SLC9C1: variants seen among roughly 807,000 people sequenced by gnomAD.
SLC9C1 encodes solute carrier family 9 member C1.
In SLC9C1, 97 loss-of-function variants were observed where a neutral mutation model predicts 140.9. The observed-to-expected ratio is 0.69, with a 90% CI of 0.58 to 0.82. SLC9C1 has a LOEUF of 0.82. SLC9C1 is among the 40% of genes least tolerant of loss of function. The pLI, the probability that SLC9C1 is intolerant of heterozygous loss-of-function variation, is 0.00. For synonymous variants in SLC9C1, 440 were observed against 442.6 expected (o/e 0.99, Z 0.07); for missense variants, 1,340 against 1,389.3 (o/e 0.96, Z 0.56).
chr3:112,204,431 T>G (rs1311644231), intron 16 of SLC9C1, 28 bp from the exon 17 acceptor site: 1 of 1,535,370 alleles, frequency 6.5e-7, no homozygotes, highest in Non-Finnish European at 8.7e-7. Context: ...AATTACATTA[T>G]CATGTTTGTT....
intron 26 of SLC9C1, among the ~76,000 whole-genome samples, chr3:112,165,456 T>C (rs149749409): frequency 0.012 from 1,753 of 152,310 alleles, 42 homozygotes; most frequent in African/African-American, 0.038. Context: ...TTGGTGTGGA[T>C]GTCCTTTGTG....
chr3:112,190,106 C>G (rs527316272), intron 20 of SLC9C1, among the ~76,000 whole-genome samples: 1 of 152,218 alleles, frequency 6.6e-6, no homozygotes, highest in African/African-American at 2.4e-5. Flanking sequence ...TTTGCTGAAG[C>G]TGCTTATCAG....
intron 15 of SLC9C1, among the ~76,000 whole-genome samples, chr3:112,210,194 A>G (rs888077468): frequency 2.6e-5 from 4 of 152,226 alleles, no homozygotes; most frequent in Admixed American, 6.5e-5. Context: ...GCAGGTATTC[A>G]AATAAAAACT....
rs1434933133 is a variant in SLC9C1 at position 112,164,118 on chromosome 3, T to A, written c.3364+3103A>T. 2.0e-5 allele frequency among the ~76,000 whole-genome samples: 3 copies of A among 152,002 alleles called. No homozygotes were observed. The East Asian group carries it at 5.8e-4, about 29-fold the overall frequency. ...ACCCCTGCCTTTTTTTGTTTTCCAT[T>A]TGCTTGGTAGATTTTCCTCCATCCT... On this transcript the variant is annotated intron_variant, in intron 26 of 28. Coordinates refer to ENST00000305815, the MANE Select transcript of SLC9C1 (RefSeq NM_183061.3).
At chr3:112,218,445 A>G (rs1221120540) in intron 14 of SLC9C1, among the ~76,000 whole-genome samples, 4 of 143,252 alleles carry the variant, frequency 2.8e-5, no homozygotes, top group African/African-American at 1.0e-4. Context: ...TTGTATATAT[A>G]TTTTTTTTTT....
rs7645374 is a variant in SLC9C1, at chr3:112,183,349, C to T, written c.2524-1091G>A. Among the ~76,000 whole-genome samples, 500 of 95,188 alleles carry T rather than the reference C, an allele frequency of 5.3e-3. 3 individuals are homozygous for T. Among genetic ancestry groups the T allele is most frequent in the Middle Eastern group, 0.016 (3 of 184 alleles). The allele number at this position is 95,188 out of a possible 152,430, so 62.4% of individuals were successfully genotyped here. On this transcript the variant is annotated intron_variant, in intron 20 of 28. Transcript: ENST00000305815. Reference sequence around the variant, plus strand: ...ACGACAATGATATTTAGCACCTTTTCTTTTTTTTTTTTTTTTTTTTTCAGC... The same window carrying T: ...ACGACAATGATATTTAGCACCTTTTTTTTTTTTTTTTTTTTTTTTTTCAGC...
chr3:112,253,025 G>A (rs2079506995), intron 10 of SLC9C1, among the ~76,000 whole-genome samples: 1 of 152,180 alleles, frequency 6.6e-6, no homozygotes, highest in African/African-American at 2.4e-5. Flanking sequence ...GAGGAGACTA[G>A]GGACTGGTGA....
In SLC9C1 at chr3:112,270,064, C is replaced by T. The variant is rs376024922; in HGVS notation, c.627G>A (p.Val209=). 2 of 1,558,030 alleles carry T rather than the reference C, an allele frequency of 1.3e-6. No homozygotes were observed. The highest frequency in any genetic ancestry group is 1.2e-5 in the South Asian group (1 of 80,318). The part of the protein sequence containing the change: ...KRNHTLAEEI[V]GGICSYIIAS... ...CTATAATATATGAACAAATTCCACC[C>T]ACGATCTCTTCAGCTACAAGAAAGG... The change falls in exon 7 of 29, where the codon GTG becomes GTA. Residue 209 remains valine (V), a synonymous_variant. Coordinates refer to ENST00000305815, the MANE Select transcript of SLC9C1 (RefSeq NM_183061.3).
chr3:112,146,905 C>T (rs548639020), intron 28 of SLC9C1, among the ~76,000 whole-genome samples: 17 of 152,048 alleles, frequency 1.1e-4, no homozygotes, highest in Non-Finnish European at 2.4e-4. Context: ...AGTTAAAGTC[C>T]CTCACTAGTA....
chr3:112,227,030 TACAGAC>T (rs1240436050), intron 13 of SLC9C1, among the ~76,000 whole-genome samples: 1 of 152,006 alleles, frequency 6.6e-6, no homozygotes, highest in African/African-American at 2.4e-5. Context: ...AAGCTATCAT[TACAGAC>T]TATTATGAAC....
chr3:112,192,602 G>C (rs1328063286), intron 20 of SLC9C1, among the ~76,000 whole-genome samples: 1 of 151,746 alleles, frequency 6.6e-6, no homozygotes, highest in South Asian at 2.1e-4. Context: ...CAGAAGACTT[G>C]TCTTCAAGTG....
At chr3:112,266,415 G>C in intron 7 of SLC9C1, 75 bp from the exon 8 acceptor site, 3 of 1,150,214 alleles carry the variant, frequency 2.6e-6, no homozygotes, top group Non-Finnish European at 3.7e-6. Context: ...CGAGTTAAAA[G>C]TATCAGATGT....
chr3:112,157,927 T>G (rs1441653047), intron 26 of SLC9C1, among the ~76,000 whole-genome samples: 1 of 152,024 alleles, frequency 6.6e-6, no homozygotes, highest in Non-Finnish European at 1.5e-5. Flanking sequence ...GTGGAGTCCT[T>G]AGGTTTTTCT....
chr3:112,293,423 G>A (rs766697170), intron 1 of SLC9C1, among the ~76,000 whole-genome samples: 13 of 152,118 alleles, frequency 8.5e-5, no homozygotes, highest in Non-Finnish European at 1.5e-4. Flanking sequence ...CTCATGAACC[G>A]TAAGTCACAC....
chr3:112,203,582 G>A (rs544422354), intron 17 of SLC9C1, among the ~76,000 whole-genome samples: 1 of 152,072 alleles, frequency 6.6e-6, no homozygotes, highest in East Asian at 1.9e-4. Context: ...ATCACTCACA[G>A]TGCTTATATA....
At chr3:112,236,827 T>C (rs1182547360) in intron 12 of SLC9C1, among the ~76,000 whole-genome samples, 1 of 152,180 alleles carries the variant, frequency 6.6e-6, no homozygotes, top group Non-Finnish European at 1.5e-5. Flanking sequence ...CACTGTGGTC[T>C]GAGAGATTGT....
chr3:112,219,989 G>C (rs976035112), intron 14 of SLC9C1, among the ~76,000 whole-genome samples: 24 of 151,980 alleles, frequency 1.6e-4, no homozygotes, highest in Non-Finnish European at 3.4e-4. Context: ...AAATATGCAC[G>C]GTATTGTTTT....
intron 11 of SLC9C1, among the ~76,000 whole-genome samples, chr3:112,240,265 T>C (rs577560938): frequency 6.6e-6 from 1 of 152,366 alleles, no homozygotes; most frequent in South Asian, 2.1e-4. Context: ...TTTCAGCACT[T>C]TTCATGCATT....
chr3:112,151,738 A>G, intron 28 of SLC9C1, 119 bp downstream of exon 28: 1 of 745,916 alleles, frequency 1.3e-6, no homozygotes, highest in South Asian at 1.5e-5. Context: ...GAATCATCTG[A>G]CTAGTGGAAA....
Sources: gnomAD v4.1 joint callset for allele counts (sites outside exome capture counted in the v4.1 genomes callset) on GRCh38, gnomAD v4.1.1 for gene constraint, MANE v1.5 for transcripts, NCBI Gene and HGNC (gene_info 2026-07-23, HGNC 2026-07-21) for gene names.